Variants in ADK observed in about 807,000 individuals in gnomAD.
ADK encodes the protein adenosine kinase, also known as N6,N6-dimethyladenosine kinase.
A neutral mutation model predicts 44.7 loss-of-function variants in ADK; 24 were observed. The ratio of observed to expected loss-of-function variants is 0.54; its 90% CI spans 0.39 to 0.76. The LOEUF is 0.76. Among genes scored for constraint, ADK ranks in the 30% least tolerant of loss-of-function variants. ADK has a pLI of 0.00. For missense variants in ADK, 321 were observed against 425.1 expected (o/e 0.76, Z 2.15); for synonymous variants, 128 against 142.6 (o/e 0.90, Z 0.73).
At chr10:74,542,053 C>A (rs1230766089) in intron 7 of ADK, among the ~76,000 whole-genome samples, 1 of 151,946 alleles carries the variant, frequency 6.6e-6, no homozygotes, top group East Asian at 1.9e-4. Flanking sequence ...CCAGCCTGGG[C>A]AACATGGTAT....
chr10:74,220,087 T>G lies in ADK; in HGVS notation c.141-4451T>G, dbSNP rs375027798. On this transcript the variant is annotated intron_variant, in intron 2 of 10. Transcript: ENST00000539909. ...AAAATTAATGAATCCAGGAGCTGGT[T>G]TTTTGAAAGGATCAACAAAATTGAT... is the stretch of plus-strand genomic sequence containing the variant. Among the ~76,000 whole-genome samples the G allele has an allele frequency of 1.1e-3, 166 of 152,090 alleles. 1 individual carries two copies. The East Asian group carries it at 0.024, about 22-fold the overall frequency.
At chr10:74,540,970 A>T (rs1036146386) in intron 7 of ADK, among the ~76,000 whole-genome samples, 1 of 152,148 alleles carries the variant, frequency 6.6e-6, no homozygotes, top group African/African-American at 2.4e-5. Context: ...AATAGGTGCC[A>T]TTGATTAGTC....
chr10:74,536,237 T>C (rs753803562), intron 7 of ADK, among the ~76,000 whole-genome samples: 29 of 152,116 alleles, frequency 1.9e-4, no homozygotes, highest in Non-Finnish European at 3.4e-4. Flanking sequence ...TTATTATGAG[T>C]GTAGCCTTAA....
intron 3 of ADK, among the ~76,000 whole-genome samples, chr10:74,278,990 A>G (rs1398509395): frequency 6.6e-6 from 1 of 152,240 alleles, no homozygotes; most frequent in Admixed American, 6.5e-5. Context: ...CATAAAAAAA[A>G]TTGAGGCCAG....
At chr10:74,668,121 A>G (rs1855032455) in intron 9 of ADK, among the ~76,000 whole-genome samples, 1 of 152,232 alleles carries the variant, frequency 6.6e-6, no homozygotes, top group Admixed American at 6.5e-5. Context: ...ACTTGAGCTC[A>G]TTTTACTTAT....
chr10:74,702,532 C>CTTCG (rs1436350751), intron 10 of ADK, among the ~76,000 whole-genome samples: 1 of 143,094 alleles, frequency 7.0e-6, no homozygotes, highest in East Asian at 2.0e-4. Flanking sequence ...TCTTTCCTTC[C>CTTCG]TTCCTTCCTT....
At chr10:74,409,670 G>GT (rs1286170986) in intron 6 of ADK, among the ~76,000 whole-genome samples, 2 of 152,070 alleles carry the variant, frequency 1.3e-5, no homozygotes, top group Non-Finnish European at 2.9e-5. Context: ...GGAGAATGTG[G>GT]TTTTTGTGAG....
intron 1 of ADK, chr10:74,174,619 G>A (rs1381371619): frequency 6.6e-6 from 1 of 152,220 alleles, no homozygotes; most frequent in Non-Finnish European, 1.5e-5. Flanking sequence ...ACAAGAGAAG[G>A]TGGGTAACTC....
intron 3 of ADK, among the ~76,000 whole-genome samples, chr10:74,263,752 C>G (rs1237584982): frequency 6.6e-6 from 1 of 152,138 alleles, no homozygotes; most frequent in African/African-American, 2.4e-5. Flanking sequence ...TTTGCGTGTT[C>G]TAAAACATAT....
chr10:74,397,162 G>A (rs1011057007), intron 5 of ADK, among the ~76,000 whole-genome samples: 2 of 151,874 alleles, frequency 1.3e-5, no homozygotes, highest in Non-Finnish European at 2.9e-5. Flanking sequence ...TCTTAAGTTT[G>A]TAATATAGTT....
chr10:74,567,228 A>G (rs571363192), intron 7 of ADK, among the ~76,000 whole-genome samples: 4 of 152,320 alleles, frequency 2.6e-5, no homozygotes, highest in Admixed American at 1.3e-4. Context: ...TGTCATTTCT[A>G]TGCTTCACTA....
At chr10:74,220,751 A>G (rs1253074503) in intron 2 of ADK, among the ~76,000 whole-genome samples, 1 of 152,228 alleles carries the variant, frequency 6.6e-6, no homozygotes, top group Non-Finnish European at 1.5e-5. Context: ...GCATATAAAC[A>G]GAACCAAAAA....
intron 3 of ADK, among the ~76,000 whole-genome samples, chr10:74,279,124 C>T (rs1591977142): frequency 1.3e-5 from 2 of 150,898 alleles, no homozygotes; most frequent in Admixed American, 6.6e-5. Flanking sequence ...CCTAAAAATA[C>T]AAAAATTAGC....
chr10:74,595,501 C>G (rs1278481696), intron 8 of ADK, among the ~76,000 whole-genome samples: 1 of 148,124 alleles, frequency 6.8e-6, no homozygotes, highest in Non-Finnish European at 1.5e-5. Context: ...CTCAGCCTCC[C>G]GAGTAGCTGG....
At chr10:74,628,559 C>T (rs970593414) in intron 9 of ADK, among the ~76,000 whole-genome samples, 1 of 151,748 alleles carries the variant, frequency 6.6e-6, no homozygotes. Flanking sequence ...CCTGCTGGCT[C>T]CACTTTACTG....
chr10:74,447,694 A>G (rs151002922), intron 6 of ADK, among the ~76,000 whole-genome samples: 297 of 152,264 alleles, frequency 2.0e-3, no homozygotes, highest in Non-Finnish European at 3.6e-3. Flanking sequence ...TAGTTTTCTC[A>G]TCTGTAAAAT....
intron 4 of ADK, among the ~76,000 whole-genome samples, chr10:74,380,769 C>T (rs1842956369): frequency 6.6e-6 from 1 of 152,038 alleles, no homozygotes; most frequent in East Asian, 1.9e-4. Flanking sequence ...AAAAAAAACA[C>T]ATTTTTTTAT....
chr10:74,173,934 T>C (rs1842241685), intron 1 of ADK, among the ~76,000 whole-genome samples: 2 of 152,092 alleles, frequency 1.3e-5, no homozygotes, highest in Non-Finnish European at 2.9e-5. Context: ...CTCTTTACTA[T>C]AGTTAATTAA....
At chr10:74,516,507 GCTTTTCTTTT>G (rs1166122511) in intron 6 of ADK, among the ~76,000 whole-genome samples, 113 of 146,676 alleles carry the variant, frequency 7.7e-4, no homozygotes, top group African/African-American at 2.7e-3. Context: ...CTCCTTTATT[GCTTTTCTTTT>G]CTTTTCTTTT....
Sources: allele counts gnomAD v4.1 joint callset (sites outside exome capture counted in the v4.1 genomes callset), GRCh38; gene constraint gnomAD v4.1.1; transcripts MANE v1.5; gene names NCBI Gene and HGNC (gene_info 2026-07-23, HGNC 2026-07-21).